SGK1: variants seen among roughly 807,000 people sequenced by gnomAD.
SGK1 encodes serum/glucocorticoid regulated kinase 1, also known as serine/threonine-protein kinase Sgk1.
A neutral mutation model predicts 64.2 loss-of-function variants in SGK1; 26 were observed. That is an observed-to-expected ratio of 0.40 (90% CI 0.30 to 0.56). The LOEUF (loss-of-function observed/expected upper bound fraction) is 0.56. SGK1 is among the 20% of genes least tolerant of loss of function. The probability of loss-of-function intolerance (pLI) is 0.38; values close to 1 mark genes in which losing one functional copy is unlikely to be tolerated. For synonymous variants in SGK1, 265 were observed against 239.7 expected, an observed-to-expected ratio of 1.11 and a Z score of -0.98; for missense variants, 519 against 645.6, an observed-to-expected ratio of 0.80 and a Z score of 2.12.
chr6:134,286,366 G>C (rs1777183520), intron 1 of SGK1, among the ~76,000 whole-genome samples: 1 of 152,166 alleles, frequency 6.6e-6, no homozygotes, highest in South Asian at 2.1e-4. Context: ...GCTGAGGTAG[G>C]AGGACCTCCT....
rs952484842 is a variant in SGK1, at chr6:134,172,884, A to G, written c.835-110T>C. The G allele has an allele frequency of 3.2e-6, 4 of 1,241,810 alleles. No individual in the cohort carries two copies. The African/African-American group carries it at 6.0e-5, about 19-fold the overall frequency. 76.9% of individuals were successfully genotyped at this position (1,241,810 alleles called of 1,614,324 possible). The stretch of plus-strand genomic sequence containing the variant: ...AGTGGCCCCAAGTAATCTATTAACT[A>G]TAAACCTGACAGGTTGAAGGAAATG... On this transcript the variant is annotated intron_variant, in intron 8 of 13. Coordinates refer to ENST00000367858, the MANE Select transcript of SGK1 (RefSeq NM_001143676.3).
chr6:134,314,552 T>G (rs1419215351), intron 1 of SGK1, among the ~76,000 whole-genome samples: 1 of 152,228 alleles, frequency 6.6e-6, no homozygotes, highest in Admixed American at 6.5e-5. Context: ...TTTAATAATG[T>G]TTCTTACCTT....
intron 3 of SGK1, among the ~76,000 whole-genome samples, chr6:134,188,626 A>G (rs763016505): frequency 2.0e-5 from 3 of 152,206 alleles, no homozygotes; most frequent in African/African-American, 2.4e-5. Context: ...CATGAAAACA[A>G]TAATCCACCA....
chr6:134,281,519 CTTT>C (rs35370292), intron 1 of SGK1, among the ~76,000 whole-genome samples: 3 of 141,988 alleles, frequency 2.1e-5, no homozygotes, highest in Non-Finnish European at 3.1e-5. Context: ...CCAATTTGTT[CTTT>C]TTTTTTTTTT....
At chr6:134,274,996 G>C (rs1341392098) in intron 1 of SGK1, among the ~76,000 whole-genome samples, 1 of 151,990 alleles carries the variant, frequency 6.6e-6, no homozygotes, top group Non-Finnish European at 1.5e-5. Context: ...TAGAGACGGG[G>C]TTTCACCGTG....
chr6:134,231,709 A>G (rs1157833765), intron 2 of SGK1, among the ~76,000 whole-genome samples: 1 of 152,220 alleles, frequency 6.6e-6, no homozygotes, highest in African/African-American at 2.4e-5. Flanking sequence ...AAAGTATGGC[A>G]TATCCACTAT....
At chr6:134,175,124 G>A (rs1775187988) in intron 3 of SGK1, among the ~76,000 whole-genome samples, 1 of 152,158 alleles carries the variant, frequency 6.6e-6, no homozygotes, top group Non-Finnish European at 1.5e-5. Flanking sequence ...TGGGGCAGGA[G>A]AGAGAGAACG....
At chr6:134,242,486 A>C (rs59796932) in intron 2 of SGK1, among the ~76,000 whole-genome samples, 4,880 of 141,362 alleles carry the variant, frequency 0.035, 248 homozygotes, top group African/African-American at 0.13. Context: ...ACTCCGTCTC[A>C]AAAAAAAAAA....
intron 2 of SGK1, among the ~76,000 whole-genome samples, chr6:134,208,834 ATG>A (rs147410634): frequency 0.048 from 7,210 of 151,162 alleles, 534 homozygotes; most frequent in African/African-American, 0.16. Context: ...ATATATATGT[ATG>A]TGTGTATGCA....
At chr6:134,282,058 G>A (rs1777102347) in intron 1 of SGK1, among the ~76,000 whole-genome samples, 1 of 152,094 alleles carries the variant, frequency 6.6e-6, no homozygotes, top group Non-Finnish European at 1.5e-5. Context: ...GGACTACTTG[G>A]GTAGGTTATA....
intron 3 of SGK1, chr6:134,177,878 C>T: frequency 1.3e-6 from 2 of 1,546,580 alleles, no homozygotes; most frequent in Middle Eastern, 1.7e-4. Flanking sequence ...CACTTTATAT[C>T]AAGGCAATTT....
At chr6:134,255,076 G>C (rs1047635878) in intron 2 of SGK1, among the ~76,000 whole-genome samples, 7 of 152,120 alleles carry the variant, frequency 4.6e-5, no homozygotes, top group African/African-American at 1.7e-4. Context: ...CACCATGTTG[G>C]CCAGGCTGGT....
intron 2 of SGK1, among the ~76,000 whole-genome samples, chr6:134,245,821 T>A (rs776111331): frequency 3.3e-5 from 5 of 152,202 alleles, no homozygotes; most frequent in African/African-American, 1.2e-4. Flanking sequence ...TGAGACCTCA[T>A]CTGTATCAAA....
At chr6:134,190,845 A>C (rs1264525618) in intron 3 of SGK1, among the ~76,000 whole-genome samples, 2 of 152,244 alleles carry the variant, frequency 1.3e-5, no homozygotes, top group Non-Finnish European at 2.9e-5. Context: ...TAACAGACAC[A>C]CTAGACTTAG....
At chr6:134,214,891 T>C in intron 2 of SGK1, 1 of 308,928 alleles carries the variant, frequency 3.2e-6, no homozygotes, top group Non-Finnish European at 6.5e-6. Context: ...AAGAGATTTT[T>C]CTTGTCTGAT....
intron 2 of SGK1, among the ~76,000 whole-genome samples, chr6:134,208,879 C>CAT (rs1249364693): frequency 1.0e-5 from 1 of 95,426 alleles, no homozygotes; most frequent in Non-Finnish European, 2.2e-5. Context: ...TATGCATATA[C>CAT]ATACATGTAT....
At chr6:134,206,383 A>ATTTTTTTTTTTTTTT (rs869072819) in intron 3 of SGK1, among the ~76,000 whole-genome samples, 1 of 16,614 alleles carries the variant, frequency 6.0e-5, no homozygotes, top group Admixed American at 1.0e-3. Flanking sequence ...ATATATATAT[A>ATTTTTTTTTTTTTTT]TTTTTTTTTT....
chr6:134,207,705 G>A (rs1775815984), intron 2 of SGK1, among the ~76,000 whole-genome samples: 1 of 152,204 alleles, frequency 6.6e-6, no homozygotes, highest in South Asian at 2.1e-4. Context: ...TAGCACATGG[G>A]CGCTGGAGCT....
rs1327378461 is a variant in SGK1, at chr6:134,317,794, C to T, written c.-334G>A. 3 of 241,132 alleles carry T rather than the reference C, an allele frequency of 1.2e-5. No homozygotes were observed. The highest frequency in any genetic ancestry group is 4.5e-5 in the African/African-American group (2 of 44,670). 14.9% of individuals were successfully genotyped at this position (241,132 alleles called of 1,614,324 possible). ...GCTCTTACCGAGCGGGAGAAGGGTA[C>T]GCCTCCCCGCCCCCAGCTACCTGGC... On this transcript the variant is annotated 5_prime_UTR_variant, in exon 1 of 14. Transcript: ENST00000367858.
Sources: gnomAD v4.1 joint callset for allele counts (sites outside exome capture counted in the v4.1 genomes callset) on GRCh38, gnomAD v4.1.1 for gene constraint, MANE v1.5 for transcripts, NCBI Gene and HGNC (gene_info 2026-07-23, HGNC 2026-07-21) for gene names.